The following DCC variants were observed in gnomAD, a reference collection of about 807,000 sequenced individuals.
The protein encoded by DCC is DCC netrin 1 receptor, also known as netrin receptor DCC.
In DCC, 58 loss-of-function variants were observed where a neutral mutation model predicts 172.5. That is an observed-to-expected ratio of 0.34 (90% CI 0.27 to 0.42). The LOEUF is 0.42. Among genes scored for constraint, DCC ranks in the 10% least tolerant of loss-of-function variants. DCC has a pLI of 1.00. For missense variants in DCC, 1,740 were observed against 1,791.0 expected (o/e 0.97, Z 0.51); for synonymous variants, 709 against 644.5 (o/e 1.10, Z -1.52).
intron 25 of DCC, among the ~76,000 whole-genome samples, 174 bp downstream of exon 25, chr18:53,468,184 C>T (rs536235738): frequency 4.6e-5 from 7 of 151,986 alleles, no homozygotes; most frequent in East Asian, 3.9e-4. Flanking sequence ...AGTCTTCATT[C>T]GTTACTGTAT....
chr18:52,677,523 T>C (rs1350419274), intron 1 of DCC, among the ~76,000 whole-genome samples: 4 of 152,028 alleles, frequency 2.6e-5, no homozygotes. Context: ...CTATTGTTAT[T>C]ATTTTGGTTC....
chr18:52,893,660 A>G (rs2039685812), intron 2 of DCC, among the ~76,000 whole-genome samples: 1 of 152,184 alleles, frequency 6.6e-6, no homozygotes, highest in African/African-American at 2.4e-5. Flanking sequence ...AGAAGATTGA[A>G]TCATTTTCTG....
chr18:52,758,468 C>T (rs1369854854), intron 2 of DCC, among the ~76,000 whole-genome samples: 3 of 151,972 alleles, frequency 2.0e-5, no homozygotes, highest in Non-Finnish European at 4.4e-5. Context: ...TTAAATAACA[C>T]CTGCATTATA....
chr18:53,400,391 T>A (rs1481341989), intron 18 of DCC, among the ~76,000 whole-genome samples: 1 of 152,126 alleles, frequency 6.6e-6, no homozygotes, highest in Non-Finnish European at 1.5e-5. Flanking sequence ...ACAAGGGGAA[T>A]GAAGTACATA....
At chr18:52,544,451 CT>C (rs112130561) in intron 1 of DCC, among the ~76,000 whole-genome samples, 45 of 149,108 alleles carry the variant, frequency 3.0e-4, no homozygotes, top group African/African-American at 2.7e-4. Context: ...TTCTTTCTTT[CT>C]TTTTTTTTTT....
At chr18:53,079,827 T>C (rs574434549) in intron 7 of DCC, among the ~76,000 whole-genome samples, 7 of 152,064 alleles carry the variant, frequency 4.6e-5, no homozygotes, top group Non-Finnish European at 1.0e-4. Context: ...ATACAACACA[T>C]GGGAGCATAG....
rs35238619 is a variant in DCC at position 53,448,047 on chromosome 18, GTTTT to G, written c.3230-2433_3230-2430del. Among the ~76,000 whole-genome samples, 116 of 113,728 alleles carry G rather than the reference GTTTT, an allele frequency of 1.0e-3. 1 individual carries two copies. The highest frequency in any genetic ancestry group is 3.7e-3 in the African/African-American group (111 of 29,764). 74.6% of individuals were successfully genotyped at this position (113,728 alleles called of 152,430 possible). On this transcript the variant is annotated intron_variant, in intron 22 of 28. Transcript: ENST00000442544. The stretch of plus-strand genomic sequence containing the variant: ...CTATAATTTATTTAAATTTTGATGA[GTTTT>G]TTTTTTTTTTTTTTTTTTTACAAAA...
chr18:52,387,177 C>A (rs1985833140), intron 1 of DCC, among the ~76,000 whole-genome samples: 1 of 152,156 alleles, frequency 6.6e-6, no homozygotes, highest in Non-Finnish European at 1.5e-5. Flanking sequence ...ATGTTCTTTG[C>A]TTCCTGTCTA....
At chr18:52,589,344 T>C (rs2033747262) in intron 1 of DCC, among the ~76,000 whole-genome samples, 1 of 152,246 alleles carries the variant, frequency 6.6e-6, no homozygotes, top group Non-Finnish European at 1.5e-5. Flanking sequence ...AACTTATTTC[T>C]ACTTTTACAA....
chr18:52,362,112 C>T (rs7235941), intron 1 of DCC, among the ~76,000 whole-genome samples: 49,102 of 151,900 alleles, frequency 0.32, 8,448 homozygotes, highest in East Asian at 0.51. Flanking sequence ...ATTTTGCTAA[C>T]TCATATACAC....
chr18:52,611,530 G>A, intron 1 of DCC, among the ~76,000 whole-genome samples: 1 of 152,186 alleles, frequency 6.6e-6, no homozygotes, highest in Admixed American at 6.5e-5. Flanking sequence ...ACTGGCTGAT[G>A]TATGCAGAGA....
chr18:53,158,156 T>A (rs1168933987), intron 8 of DCC, among the ~76,000 whole-genome samples: 6 of 152,032 alleles, frequency 3.9e-5, no homozygotes, highest in East Asian at 3.9e-4. Context: ...AAATCAAATT[T>A]AAAAAAATAA....
intron 7 of DCC, among the ~76,000 whole-genome samples, chr18:53,075,512 T>C (rs938642698): frequency 6.6e-6 from 1 of 151,862 alleles, no homozygotes; most frequent in African/African-American, 2.4e-5. Context: ...CACATCATAC[T>C]TCAGTGGTAA....
intron 16 of DCC, among the ~76,000 whole-genome samples, chr18:53,390,264 T>TCC (rs1555663327): frequency 2.9e-5 from 3 of 102,634 alleles, no homozygotes; most frequent in Non-Finnish European, 7.6e-5. Flanking sequence ...TCTCTCTCTC[T>TCC]CCTTTTATTT....
At chr18:53,335,095 T>C (rs1186284828) in intron 14 of DCC, among the ~76,000 whole-genome samples, 1 of 152,224 alleles carries the variant, frequency 6.6e-6, no homozygotes, top group Non-Finnish European at 1.5e-5. Context: ...TCTCTTACCC[T>C]TGATGTTCCA....
At chr18:52,580,239 C>CA (rs1243705288) in intron 1 of DCC, among the ~76,000 whole-genome samples, 1 of 152,178 alleles carries the variant, frequency 6.6e-6, no homozygotes, top group Non-Finnish European at 1.5e-5. Flanking sequence ...GAATCAAAGA[C>CA]AAAATGAGAC....
chr18:52,424,182 A>G (rs1373025556), intron 1 of DCC, among the ~76,000 whole-genome samples: 1 of 152,160 alleles, frequency 6.6e-6, no homozygotes, highest in African/African-American at 2.4e-5. Flanking sequence ...ACTGAATATT[A>G]TATTAAAACC....
chr18:53,222,365 T>G (rs2055948937), intron 12 of DCC, among the ~76,000 whole-genome samples: 2 of 127,174 alleles, frequency 1.6e-5, no homozygotes, highest in Admixed American at 1.7e-4. Context: ...ACCTTTTTCT[T>G]TTTTCTTTTT....
chr18:53,221,763 A>G, intron 12 of DCC, among the ~76,000 whole-genome samples: 1 of 152,320 alleles, frequency 6.6e-6, no homozygotes, highest in Non-Finnish European at 1.5e-5. Context: ...CCCCTTTCTT[A>G]TAGAGAAATG....
Sources: gnomAD v4.1 joint callset for allele counts (sites outside exome capture counted in the v4.1 genomes callset) on GRCh38, gnomAD v4.1.1 for gene constraint, MANE v1.5 for transcripts, NCBI Gene and HGNC (gene_info 2026-07-23, HGNC 2026-07-21) for gene names.